NEBL: variants seen among roughly 807,000 people sequenced by gnomAD.
The protein encoded by NEBL is nebulette, also known as LIM and SH3 protein 2.
Under a neutral mutation model 140.2 loss-of-function variants are expected in NEBL, and 122 were observed. The ratio of observed to expected loss-of-function variants is 0.87; its 90% CI spans 0.75 to 1.01. The LOEUF (loss-of-function observed/expected upper bound fraction) is 1.01. Ranked by LOEUF, NEBL falls within the 50% of genes least tolerant of loss-of-function variation. NEBL has a pLI of 0.00. For missense variants in NEBL, 1,365 were observed against 1,231.3 expected (o/e 1.11, Z -1.62); for synonymous variants, 436 against 398.9 (o/e 1.09, Z -1.11).
chr10:21,121,505 G>T (rs1418696277), intron 2 of NEBL, among the ~76,000 whole-genome samples: 1 of 152,174 alleles, frequency 6.6e-6, no homozygotes, highest in African/African-American at 2.4e-5. Context: ...CTTCCAAGTT[G>T]TCATAGGAAA....
At chr10:21,060,531 T>C (rs919726655) in intron 2 of NEBL, among the ~76,000 whole-genome samples, 1 of 152,146 alleles carries the variant, frequency 6.6e-6, no homozygotes, top group African/African-American at 2.4e-5. Flanking sequence ...ACAAACTGTC[T>C]CCTTTTCCTG....
At chr10:21,230,141 C>T (rs1164138757) in intron 3 of NEBL, among the ~76,000 whole-genome samples, 1 of 152,088 alleles carries the variant, frequency 6.6e-6, no homozygotes. Context: ...AAAAATAATT[C>T]AAATATACCT....
intron 26 of NEBL, among the ~76,000 whole-genome samples, chr10:20,796,257 G>A (rs1450111246): frequency 6.6e-6 from 1 of 151,142 alleles, no homozygotes; most frequent in Non-Finnish European, 1.5e-5. Context: ...CAGCTTCTCA[G>A]GAGGCTGAGG....
chr10:21,126,237 CA>C (rs1243703827), intron 2 of NEBL: 2 of 1,015,420 alleles, frequency 2.0e-6, no homozygotes, highest in African/African-American at 3.2e-5. Flanking sequence ...GTTTCAGAAC[CA>C]ATCCATCTTC....
intron 2 of NEBL, among the ~76,000 whole-genome samples, chr10:21,089,052 G>C (rs1436296067): frequency 6.6e-6 from 1 of 152,108 alleles, no homozygotes; most frequent in Non-Finnish European, 1.5e-5. Flanking sequence ...AGTGACAGAG[G>C]AGACAGAAAA....
chr10:20,937,572 G>C (rs1407432140), intron 4 of NEBL, among the ~76,000 whole-genome samples: 1 of 152,144 alleles, frequency 6.6e-6, no homozygotes, highest in Non-Finnish European at 1.5e-5. Flanking sequence ...CATCTCACTG[G>C]GGAGTGTCAG....
chr10:21,251,438 A>C (rs1842588007), intron 2 of NEBL, among the ~76,000 whole-genome samples: 1 of 152,148 alleles, frequency 6.6e-6, no homozygotes. Context: ...TTCAGTATTT[A>C]ATATTAAGAT....
chr10:20,974,309 A>C (rs968533631), intron 3 of NEBL, among the ~76,000 whole-genome samples: 3 of 148,220 alleles, frequency 2.0e-5, no homozygotes, highest in Non-Finnish European at 3.0e-5. Context: ...ACTGGAATGC[A>C]GTGGTGCAGT....
rs182124129 is a variant in NEBL at position 21,196,296 on chromosome 10, C to T, written n.349-23819G>A. Among the ~76,000 whole-genome samples, 60 of 150,088 alleles carry T rather than the reference C, an allele frequency of 4.0e-4. No individual in the cohort carries two copies. The East Asian group carries it at 4.9e-3, about 12-fold the overall frequency. On this transcript the variant is annotated intron_variant and non_coding_transcript_variant, in intron 3 of 8. Transcript: ENST00000675702. ...GGATTATAGGCGTGAGCCACCACGCCGGGCCTATATTTTTATTTTTATTTA... is the reference window on the plus strand; with the variant it reads ...GGATTATAGGCGTGAGCCACCACGCTGGGCCTATATTTTTATTTTTATTTA...
intron 2 of NEBL, among the ~76,000 whole-genome samples, chr10:21,169,062 AAAAAAATATATATATATATATATAT>A (rs1564534500): frequency 3.5e-5 from 2 of 57,646 alleles, no homozygotes; most frequent in African/African-American, 1.4e-4. Flanking sequence ...AAAAAAAAAA[AAAAAAATATATATATATATATATAT>A]ATATATATAT....
intron 9 of NEBL, among the ~76,000 whole-genome samples, chr10:20,857,124 GA>G (rs1843157022): frequency 6.6e-6 from 1 of 152,018 alleles, no homozygotes; most frequent in East Asian, 1.9e-4. Flanking sequence ...TGCCCAGCCA[GA>G]AAAAAATAAA....
intron 3 of NEBL, among the ~76,000 whole-genome samples, chr10:21,018,649 C>G (rs1838654575): frequency 6.6e-6 from 1 of 152,142 alleles, no homozygotes; most frequent in Non-Finnish European, 1.5e-5. Context: ...AAAGAGACTA[C>G]AGGCAACTGC....
chr10:21,120,201 C>A (rs910354103), intron 2 of NEBL, among the ~76,000 whole-genome samples: 8 of 150,908 alleles, frequency 5.3e-5, no homozygotes, highest in African/African-American at 2.0e-4. Context: ...ATAGGGAGAC[C>A]CTGTCTCTAC....
At chr10:20,927,629 C>T (rs879702370) in intron 4 of NEBL, among the ~76,000 whole-genome samples, 10 of 152,136 alleles carry the variant, frequency 6.6e-5, no homozygotes, top group Admixed American at 5.2e-4. Flanking sequence ...TTTAAGTGTT[C>T]GTGTAAATAT....
chr10:21,057,648 C>T (rs371794944), intron 2 of NEBL, among the ~76,000 whole-genome samples: 6 of 59,918 alleles, frequency 1.0e-4, no homozygotes, highest in African/African-American at 2.8e-4. Context: ...CTCCGAGGCT[C>T]GAGCAATCCT....
At chr10:21,125,529 G>A (rs1181208161) in intron 2 of NEBL, among the ~76,000 whole-genome samples, 1 of 152,148 alleles carries the variant, frequency 6.6e-6, no homozygotes, top group African/African-American at 2.4e-5. Context: ...AAGCCTCAAA[G>A]TAAGAGGAAT....
intron 2 of NEBL, among the ~76,000 whole-genome samples, chr10:21,078,753 T>C (rs1836224545): frequency 6.6e-6 from 1 of 152,174 alleles, no homozygotes; most frequent in African/African-American, 2.4e-5. Context: ...CCTAGGAAAA[T>C]ATACTTGATC....
intron 19 of NEBL, among the ~76,000 whole-genome samples, chr10:20,821,943 C>T (rs1256920508): frequency 6.6e-6 from 1 of 152,158 alleles, no homozygotes; most frequent in East Asian, 1.9e-4. Context: ...CAGCTCTAAA[C>T]CTTTATTACC....
chr10:21,065,470 G>A (rs1024607032), intron 2 of NEBL, among the ~76,000 whole-genome samples: 3 of 152,196 alleles, frequency 2.0e-5, no homozygotes, highest in African/African-American at 4.8e-5. Context: ...CCACAGTGCC[G>A]AAAATGAATT....
Sources: allele counts gnomAD v4.1 joint callset (sites outside exome capture counted in the v4.1 genomes callset), GRCh38; gene constraint gnomAD v4.1.1; transcripts MANE v1.5; gene names NCBI Gene and HGNC (gene_info 2026-07-23, HGNC 2026-07-21).